The following ESRRG variants were observed in gnomAD, a reference collection of about 807,000 sequenced individuals.
The protein encoded by ESRRG is estrogen related receptor gamma.
ESRRG carries 13 observed loss-of-function variants against 44.0 expected under a neutral mutation model. That is an observed-to-expected ratio of 0.30 (90% CI 0.19 to 0.47). ESRRG has a LOEUF of 0.47. ESRRG is among the 20% of genes least tolerant of loss of function. ESRRG has a pLI of 1.00. For missense variants in ESRRG, 395 were observed against 580.6 expected (o/e 0.68, Z 3.29); for synonymous variants, 215 against 214.6 (o/e 1.00, Z -0.02).
At chr1:216,604,101 A>G (rs2059619247) in intron 3 of ESRRG, among the ~76,000 whole-genome samples, 1 of 152,190 alleles carries the variant, frequency 6.6e-6, no homozygotes, top group African/African-American at 2.4e-5. Flanking sequence ...GTTAGAGTCC[A>G]GACAGTGAAT....
chr1:217,109,652 C>T (rs1375791861), intron 1 of ESRRG, among the ~76,000 whole-genome samples: 1 of 152,132 alleles, frequency 6.6e-6, no homozygotes, highest in Non-Finnish European at 1.5e-5. Context: ...GCCATGGGGG[C>T]TAGTGGGAGG....
At chr1:216,768,162 C>T (rs2093179422) in intron 2 of ESRRG, among the ~76,000 whole-genome samples, 1 of 152,076 alleles carries the variant, frequency 6.6e-6, no homozygotes, top group African/African-American at 2.4e-5. Context: ...CCATAGCTAA[C>T]AAGGAAAATT....
chr1:217,029,501 G>A (rs1047018446), intron 1 of ESRRG, among the ~76,000 whole-genome samples: 1 of 152,156 alleles, frequency 6.6e-6, no homozygotes, highest in African/African-American at 2.4e-5. Context: ...AACAGGTCCT[G>A]CCAGTTGTCA....
At chr1:216,879,184 G>A (rs2149294902) in intron 2 of ESRRG, among the ~76,000 whole-genome samples, 1 of 152,200 alleles carries the variant, frequency 6.6e-6, no homozygotes, top group East Asian at 1.9e-4. Context: ...TTTGCCATCT[G>A]TCTTTGTCTC....
intron 1 of ESRRG, among the ~76,000 whole-genome samples, chr1:217,124,472 A>T (rs1313327008): frequency 6.6e-6 from 1 of 152,218 alleles, no homozygotes; most frequent in Non-Finnish European, 1.5e-5. Flanking sequence ...AAATATTATG[A>T]TCCCTAAGAA....
chr1:217,032,918 TA>T (rs2082286260), intron 1 of ESRRG, among the ~76,000 whole-genome samples: 1 of 152,184 alleles, frequency 6.6e-6, no homozygotes, highest in Non-Finnish European at 1.5e-5. Flanking sequence ...CATGTAAAAG[TA>T]AAACCTCTTA....
chr1:216,713,186 C>T (rs1280824843), intron 1 of ESRRG, among the ~76,000 whole-genome samples: 4 of 152,014 alleles, frequency 2.6e-5, no homozygotes, highest in Admixed American at 2.0e-4. Context: ...TTGTAGGCGT[C>T]AAATTACAAA....
At position 216,746,815 on chromosome 1, in the gene ESRRG, T is replaced by C. The variant is rs149862255; in HGVS notation, c.-13-69324A>G. The stretch of plus-strand genomic sequence containing the variant: ...CCTTTTTCCAAAAACTGTCTGTTCA[T>C]CAGATAAATGAAGCATGTAAACCCA... On this transcript the variant is annotated intron_variant, in intron 2 of 7. Coordinates refer to the ESRRG transcript ENST00000359162. Among the ~76,000 whole-genome samples, 253 of 152,300 alleles carry C rather than the reference T, an allele frequency of 1.7e-3. 2 individuals are homozygous for C. The highest frequency in any genetic ancestry group is 2.5e-3 in the Non-Finnish European group (170 of 68,024).
rs914057706 is a variant in ESRRG, at chr1:216,650,604, T to TA, written c.589+368dup. Among the ~76,000 whole-genome samples, 273 of 147,692 alleles carry TA rather than the reference T, an allele frequency of 1.8e-3. 1 individual carries two copies. The highest frequency in any genetic ancestry group is 2.7e-3 in the African/African-American group (110 of 40,434). ...AGAGTGCTTTAAACCCAAGATTAAT[T>TA]AAAAAAAAAAAATCTCTCTGCAAAC... On this transcript the variant is annotated intron_variant, in intron 3 of 6. Transcript: ENST00000408911.
At chr1:216,878,171 T>C (rs1577561326) in intron 2 of ESRRG, among the ~76,000 whole-genome samples, 2 of 152,212 alleles carry the variant, frequency 1.3e-5, no homozygotes, top group East Asian at 3.9e-4. Context: ...TGCATTTCAC[T>C]TAATGAGTTT....
intron 1 of ESRRG, among the ~76,000 whole-genome samples, chr1:217,039,236 C>T (rs1481671427): frequency 6.6e-6 from 1 of 152,190 alleles, no homozygotes; most frequent in Non-Finnish European, 1.5e-5. Context: ...CTGTTCCAAC[C>T]TCTGTGTGTT....
At chr1:216,548,337 T>C (rs1245299663) in intron 5 of ESRRG, among the ~76,000 whole-genome samples, 1 of 152,098 alleles carries the variant, frequency 6.6e-6, no homozygotes, top group African/African-American at 2.4e-5. Flanking sequence ...GTTCTCATTG[T>C]CTAAATTTGA....
chr1:216,602,235 A>C (rs1404677335), intron 3 of ESRRG, among the ~76,000 whole-genome samples: 1 of 152,176 alleles, frequency 6.6e-6, no homozygotes, highest in Admixed American at 6.6e-5. Flanking sequence ...TATGTTGTAC[A>C]TGGTTCCTCT....
intron 2 of ESRRG, among the ~76,000 whole-genome samples, chr1:216,899,646 A>C (rs1162546286): frequency 6.6e-6 from 1 of 152,224 alleles, no homozygotes; most frequent in Non-Finnish European, 1.5e-5. Context: ...GCTCTGCATA[A>C]GCCCTCTTGC....
intron 1 of ESRRG, among the ~76,000 whole-genome samples, chr1:217,065,500 C>A (rs75305243): frequency 0.035 from 5,268 of 152,278 alleles, 120 homozygotes; most frequent in East Asian, 0.052. Context: ...CTGACCCACT[C>A]TGATGATGAA....
intron 2 of ESRRG, among the ~76,000 whole-genome samples, chr1:216,803,707 C>T (rs781265036): frequency 3.4e-4 from 51 of 152,058 alleles, no homozygotes; most frequent in Non-Finnish European, 2.8e-4. Context: ...GCTCCGAGCC[C>T]TTCGTGTGAT....
At chr1:216,508,822 T>C (rs188636708) in intron 6 of ESRRG, among the ~76,000 whole-genome samples, 2 of 152,276 alleles carry the variant, frequency 1.3e-5, no homozygotes, top group East Asian at 1.9e-4. Context: ...GGAAACACTA[T>C]GGTGAGTCTC....
intron 3 of ESRRG, among the ~76,000 whole-genome samples, chr1:216,625,423 CAAA>C (rs57817803): frequency 1.3e-4 from 15 of 115,684 alleles, no homozygotes; most frequent in Non-Finnish European, 1.5e-4. Flanking sequence ...GCTCATTTGG[CAAA>C]AAAAAAAAAA....
chr1:216,693,695 T>C (rs1238097882), intron 1 of ESRRG, among the ~76,000 whole-genome samples: 1 of 151,738 alleles, frequency 6.6e-6, no homozygotes, highest in African/African-American at 2.4e-5. Flanking sequence ...TCTGTACATG[T>C]TCAGTGCAGA....
Sources: gnomAD v4.1 joint callset for allele counts (sites outside exome capture counted in the v4.1 genomes callset) on GRCh38, gnomAD v4.1.1 for gene constraint, MANE v1.5 for transcripts, NCBI Gene and HGNC (gene_info 2026-07-23, HGNC 2026-07-21) for gene names.